ROCK1: variants seen among roughly 807,000 people sequenced by gnomAD.
The protein encoded by ROCK1 is rho-associated protein kinase 1.
In ROCK1, 36 loss-of-function variants were observed where a neutral mutation model predicts 196.8. The observed-to-expected ratio is 0.18, with a 90% CI of 0.14 to 0.24. The LOEUF is 0.24. ROCK1 is among the 10% of genes least tolerant of loss of function. The pLI, the probability that ROCK1 is intolerant of heterozygous loss-of-function variation, is 1.00. For missense variants in ROCK1, 920 were observed against 1,562.0 expected (o/e 0.59, Z 6.93); for synonymous variants, 443 against 515.9 (o/e 0.86, Z 1.91).
intron 18 of ROCK1, among the ~76,000 whole-genome samples, chr18:20,990,206 G>A (rs1387691893): frequency 2.6e-5 from 4 of 152,144 alleles, no homozygotes; most frequent in Non-Finnish European, 5.9e-5. Context: ...GTGTTTGGAG[G>A]CATAACACAG....
At chr18:21,095,915 C>T (rs1169459516) in intron 1 of ROCK1, among the ~76,000 whole-genome samples, 5 of 151,700 alleles carry the variant, frequency 3.3e-5, no homozygotes, top group Non-Finnish European at 5.9e-5. Flanking sequence ...TGTGATTACA[C>T]ACAGCATGCC....
rs778835266 is a variant in ROCK1 at position 21,020,147 on chromosome 18, T to C, written c.1361+4A>G. 1.3e-6 allele frequency: 2 copies of C among 1,566,218 alleles called. No individual in the cohort carries two copies. The highest frequency in any genetic ancestry group is 1.7e-6 in the Non-Finnish European group (2 of 1,148,624). The stretch of plus-strand genomic sequence containing the variant: ...AATATGAAAAACTTAAAGTATATTC[T>C]CACCTGCACTTCTGCTCCATTTCAT... On this transcript the variant is annotated splice_donor_region_variant and intron_variant, in intron 12 of 32. Transcript: ENST00000399799.
chr18:20,959,485 T>A (rs1353699781), intron 29 of ROCK1, among the ~76,000 whole-genome samples: 1 of 151,424 alleles, frequency 6.6e-6, no homozygotes, highest in African/African-American at 2.4e-5. Context: ...GTGCTGGGGT[T>A]ACAGGTGTGA....
At chr18:20,963,641 A>G (rs947055136) in intron 27 of ROCK1, among the ~76,000 whole-genome samples, 9 of 152,160 alleles carry the variant, frequency 5.9e-5, no homozygotes, top group Admixed American at 3.9e-4. Context: ...ATCAATACCA[A>G]GTTTTCCTAA....
intron 1 of ROCK1, among the ~76,000 whole-genome samples, chr18:21,071,103 GTCTTCTT>G (rs2036380536): frequency 6.6e-6 from 1 of 151,500 alleles, no homozygotes; most frequent in Non-Finnish European, 1.5e-5. Context: ...ATTGTCATGG[GTCTTCTT>G]TCTTTCTTTG....
intron 22 of ROCK1, among the ~76,000 whole-genome samples, chr18:20,971,183 T>C (rs1390877954): frequency 6.6e-6 from 1 of 152,074 alleles, no homozygotes; most frequent in Non-Finnish European, 1.5e-5. Flanking sequence ...CTGTATTCCC[T>C]GAACAGAGTA....
At position 21,006,736 on chromosome 18, in the gene ROCK1, T is replaced by C; in HGVS notation, c.1601A>G (p.Gln534Arg). ...EDLKKVSQNSQLANEKLSQLQ... is the reference protein window; with the variant it reads ...EDLKKVSQNSRLANEKLSQLQ... The stretch of plus-strand genomic sequence containing the variant: ...CTGGGACAGCTTCTCATTAGCAAGC[T>C]GTGAATTCTGACTGACTTTCTTTAA... Residue 534 changes from glutamine (Q) to arginine (R), a missense_variant, in exon 15 of 33, where the codon CAG (glutamine) becomes CGG (arginine). Gln to Arg is a conservative substitution (Grantham distance 43). Transcript: ENST00000399799. 6.2e-7 allele frequency: 1 copy of C among 1,605,556 alleles called. No individual in the cohort carries two copies.
At chr18:21,098,559 G>A (rs1313105337) in intron 1 of ROCK1, among the ~76,000 whole-genome samples, 2 of 150,984 alleles carry the variant, frequency 1.3e-5, no homozygotes, top group African/African-American at 4.9e-5. Context: ...ACAAAAGATT[G>A]ATAATTTGGA....
intron 1 of ROCK1, among the ~76,000 whole-genome samples, chr18:21,074,013 C>CA (rs1282092750): frequency 2.6e-5 from 4 of 152,040 alleles, no homozygotes; most frequent in Admixed American, 6.6e-5. Context: ...AAAAAAATAG[C>CA]TGGGCGTGGT....
chr18:20,989,818 C>T (rs2035607962), intron 18 of ROCK1, among the ~76,000 whole-genome samples: 1 of 152,164 alleles, frequency 6.6e-6, no homozygotes, highest in African/African-American at 2.4e-5. Flanking sequence ...GAGGAGTTCA[C>T]ACCTATGCTT....
chr18:21,067,655 G>T (rs1201848681), intron 2 of ROCK1, among the ~76,000 whole-genome samples: 5 of 152,120 alleles, frequency 3.3e-5, no homozygotes, highest in African/African-American at 1.2e-4. Context: ...CCAAAGTGCT[G>T]GGATTACAGG....
intron 6 of ROCK1, among the ~76,000 whole-genome samples, chr18:21,043,314 G>A (rs577031055): frequency 6.6e-6 from 1 of 152,110 alleles, no homozygotes; most frequent in East Asian, 1.9e-4. Context: ...ATGTCTATTT[G>A]ATGTGAATTT....
chr18:21,049,476 C>T (rs981337956), intron 3 of ROCK1, among the ~76,000 whole-genome samples: 13 of 152,290 alleles, frequency 8.5e-5, no homozygotes, highest in South Asian at 2.1e-4. Flanking sequence ...CCCCTCCACA[C>T]GGCTATGTAA....
At chr18:21,009,256 G>A (rs1383758569) in intron 13 of ROCK1, among the ~76,000 whole-genome samples, 33 of 142,406 alleles carry the variant, frequency 2.3e-4, no homozygotes, top group African/African-American at 8.1e-4. Context: ...CTCGTGATCC[G>A]CCCGCCTCAG....
intron 1 of ROCK1, among the ~76,000 whole-genome samples, chr18:21,108,717 T>C (rs1426707099): frequency 6.6e-6 from 1 of 152,206 alleles, no homozygotes; most frequent in Non-Finnish European, 1.5e-5. Context: ...TGGGCTTCAA[T>C]CATTTCTGGA....
At chr18:20,995,868 G>A (rs1330423333) in intron 16 of ROCK1, among the ~76,000 whole-genome samples, 5 of 152,048 alleles carry the variant, frequency 3.3e-5, no homozygotes, top group African/African-American at 4.8e-5. Context: ...ATACAGATAT[G>A]GCTACAGTGA....
At chr18:20,961,241 A>C (rs1445983992) in intron 27 of ROCK1, among the ~76,000 whole-genome samples, 1 of 152,182 alleles carries the variant, frequency 6.6e-6, no homozygotes, top group Non-Finnish European at 1.5e-5. Flanking sequence ...CTAAAATATG[A>C]GATTATACTA....
chr18:21,039,617 C>T, intron 8 of ROCK1, 54 bp from the exon 9 acceptor site: 3 of 1,254,366 alleles, frequency 2.4e-6, no homozygotes, highest in Non-Finnish European at 3.5e-6. Flanking sequence ...CTTATTATAA[C>T]CTGTCCAGGT....
At chr18:21,026,300 C>T (rs1452493179) in intron 10 of ROCK1, among the ~76,000 whole-genome samples, 4 of 151,852 alleles carry the variant, frequency 2.6e-5, no homozygotes, top group African/African-American at 9.7e-5. Flanking sequence ...CAAAATTAGC[C>T]GGGCATGGTG....
Sources: gnomAD v4.1 joint callset for allele counts (sites outside exome capture counted in the v4.1 genomes callset) on GRCh38, gnomAD v4.1.1 for gene constraint, MANE v1.5 for transcripts, NCBI Gene and HGNC (gene_info 2026-07-23, HGNC 2026-07-21) for gene names.